The following IMMP1L variants were observed in gnomAD, a reference collection of about 807,000 sequenced individuals.
IMMP1L encodes inner mitochondrial membrane peptidase subunit 1, also known as mitochondrial inner membrane protease subunit 1.
In IMMP1L, 24 loss-of-function variants were observed where a neutral mutation model predicts 21.8. That is an observed-to-expected ratio of 1.10 (90% CI 0.80 to 1.55). The LOEUF (loss-of-function observed/expected upper bound fraction) is 1.55. IMMP1L is among the 40% of genes most tolerant of loss of function. The pLI is 0.00. For missense variants in IMMP1L, 195 were observed against 200.7 expected, an observed-to-expected ratio of 0.97 and a Z score of 0.17; for synonymous variants, 46 against 62.8, an observed-to-expected ratio of 0.73 and a Z score of 1.26.
chr11:31,448,223 T>C lies in IMMP1L; in HGVS notation c.321+8037A>G, dbSNP rs971486128. ...ACTCAGGAGGCTGAGGCAGGAGAATTGCTTGAACCTCGAAGGCAGAGGTTG... is the reference window on the plus strand; with the variant it reads ...ACTCAGGAGGCTGAGGCAGGAGAATCGCTTGAACCTCGAAGGCAGAGGTTG... On this transcript the variant is annotated intron_variant, in intron 4 of 5. Transcript: ENST00000532287. 5.9e-5 allele frequency among the ~76,000 whole-genome samples: 9 copies of C among 152,134 alleles called. No homozygotes were observed. The East Asian group carries it at 1.2e-3, about 20-fold the overall frequency.
At chr11:31,482,176 G>C (rs1305295472) in intron 1 of IMMP1L, among the ~76,000 whole-genome samples, 1 of 151,986 alleles carries the variant, frequency 6.6e-6, no homozygotes, top group Non-Finnish European at 1.5e-5. Flanking sequence ...TCTGTCTCCA[G>C]ATACAAACTG....
chr11:31,456,394 G>C lies in IMMP1L; in HGVS notation c.195-8C>G. 6.2e-7 allele frequency: 1 copy of C among 1,604,620 alleles called. No homozygotes were observed. Among genetic ancestry groups the C allele is most frequent in the Non-Finnish European group, 8.5e-7 (1 of 1,174,110 alleles). On this transcript the variant is annotated splice_region_variant and splice_polypyrimidine_tract_variant and intron_variant, in intron 3 of 5. Coordinates refer to ENST00000532287, the MANE Select transcript of IMMP1L (RefSeq NM_001304274.2). ...GCAATCACAATGTCACCTCTGAGGGGGAAAAGTCAAAGAAATGTCTGTATT... is the reference window on the plus strand; with the variant it reads ...GCAATCACAATGTCACCTCTGAGGGCGAAAAGTCAAAGAAATGTCTGTATT...
intron 5 of IMMP1L, among the ~76,000 whole-genome samples, chr11:31,432,987 T>C (rs527645853): frequency 6.6e-6 from 1 of 152,312 alleles, no homozygotes; most frequent in South Asian, 2.1e-4. Context: ...CATGAATGTT[T>C]TTCTCCTCAC....
chr11:31,501,237 A>T (rs995768717), intron 1 of IMMP1L, among the ~76,000 whole-genome samples: 2 of 152,190 alleles, frequency 1.3e-5, no homozygotes, highest in African/African-American at 4.8e-5. Context: ...CACTGAAAAA[A>T]CATACCTAAG....
chr11:31,437,269 A>G (rs1953156492), intron 4 of IMMP1L: 1 of 342,664 alleles, frequency 2.9e-6, no homozygotes, highest in Admixed American at 3.4e-5. Flanking sequence ...TTTATGTTTC[A>G]TATACACCTC....
At chr11:31,498,232 T>A (rs1270140724) in intron 1 of IMMP1L, among the ~76,000 whole-genome samples, 1 of 152,230 alleles carries the variant, frequency 6.6e-6, no homozygotes, top group Admixed American at 6.5e-5. Flanking sequence ...ATGTTATTCT[T>A]TGAACCTTTC....
At chr11:31,503,264 T>C (rs1163312094) in intron 1 of IMMP1L, among the ~76,000 whole-genome samples, 1 of 152,204 alleles carries the variant, frequency 6.6e-6, no homozygotes, top group African/African-American at 2.4e-5. Context: ...TAGGAGCAGC[T>C]AGTGCACGCT....
At chr11:31,488,332 TTGTAA>T (rs1955149991) in intron 1 of IMMP1L, 1 of 152,150 alleles carries the variant, frequency 6.6e-6, no homozygotes, top group Non-Finnish European at 1.5e-5. Flanking sequence ...TGAATGACAG[TTGTAA>T]CGGTGCGTCT....
At chr11:31,469,751 T>A (rs1186065970) in intron 1 of IMMP1L, 1 of 152,128 alleles carries the variant, frequency 6.6e-6, no homozygotes, top group Non-Finnish European at 1.5e-5. Context: ...ATGAACAGGA[T>A]ACACACAAAA....
At chr11:31,497,729 C>T (rs547858672) in intron 1 of IMMP1L, among the ~76,000 whole-genome samples, 3 of 152,082 alleles carry the variant, frequency 2.0e-5, no homozygotes, top group East Asian at 1.9e-4. Flanking sequence ...GGATTACAGG[C>T]GTGAGCCACT....
chr11:31,495,856 T>C lies in IMMP1L; in HGVS notation c.-30+13663A>G, dbSNP rs537161765. 2.0e-5 allele frequency among the ~76,000 whole-genome samples: 3 copies of C among 152,250 alleles called. No individual in the cohort carries two copies. In the East Asian group the frequency reaches 5.8e-4, roughly 29 times the overall value. ...AGTTGGACTTTTGTCTTACACCATA[T>C]AAAATTAACTCAAAATAGATCAAAA... On this transcript the variant is annotated intron_variant, in intron 1 of 5. Coordinates refer to ENST00000532287, the MANE Select transcript of IMMP1L (RefSeq NM_001304274.2).
rs566617767 is a variant in IMMP1L at position 31,450,156 on chromosome 11, A to G, written c.321+6104T>C. ...TACCCATCGTTAAGCCAATAAACCA[A>G]TAAAAGGACCAAAAGAACAAATTAT... is the stretch of plus-strand genomic sequence containing the variant. On this transcript the variant is annotated intron_variant, in intron 4 of 5. Transcript: ENST00000532287. 1.6e-4 allele frequency among the ~76,000 whole-genome samples: 25 copies of G among 152,340 alleles called. No individual in the cohort carries two copies. The South Asian group carries it at 4.8e-3, about 29-fold the overall frequency.
chr11:31,497,070 G>A (rs1955467035), intron 1 of IMMP1L, among the ~76,000 whole-genome samples: 1 of 150,508 alleles, frequency 6.6e-6, no homozygotes, highest in Admixed American at 6.6e-5. Context: ...ACACACAGAT[G>A]GTCCCTGACT....
At chr11:31,470,168 C>G (rs915172731) in intron 1 of IMMP1L, among the ~76,000 whole-genome samples, 5 of 152,182 alleles carry the variant, frequency 3.3e-5, no homozygotes, top group African/African-American at 9.7e-5. Context: ...TAATCCAACA[C>G]TTTGGGAGGC....
intron 2 of IMMP1L, among the ~76,000 whole-genome samples, 195 bp downstream of exon 2, chr11:31,462,977 C>T (rs1954202130): frequency 6.6e-6 from 1 of 152,048 alleles, no homozygotes; most frequent in East Asian, 1.9e-4. Context: ...AAGTAATGGT[C>T]CTTATACCTT....
intron 4 of IMMP1L, among the ~76,000 whole-genome samples, chr11:31,450,818 C>T (rs759658069): frequency 3.3e-5 from 5 of 152,026 alleles, no homozygotes; most frequent in African/African-American, 9.7e-5. Context: ...GAAACTAGCA[C>T]CCTATTCATA....
chr11:31,506,892 G>A (rs1412310358), intron 1 of IMMP1L, among the ~76,000 whole-genome samples: 8 of 151,126 alleles, frequency 5.3e-5, no homozygotes, highest in South Asian at 4.2e-4. Flanking sequence ...CCCAGGAGGC[G>A]GAGGTTGCAG....
rs538235035 is a variant in IMMP1L, at chr11:31,463,692, A to G, written c.-29-387T>C. ...ATTACTTCTTGCCATGTAATAGGAA[A>G]TAATGGAGAAATCACTAGAATAGGA... On this transcript the variant is annotated intron_variant, in intron 1 of 5. Coordinates refer to ENST00000532287, the MANE Select transcript of IMMP1L (RefSeq NM_001304274.2). Among the ~76,000 whole-genome samples, 6 of 152,286 alleles carry G rather than the reference A, an allele frequency of 3.9e-5. 1 individual carries two copies. The highest frequency in any genetic ancestry group is 3.9e-4 in the Admixed American group (6 of 15,280).
At chr11:31,479,590 A>G (rs1331851969) in intron 1 of IMMP1L, among the ~76,000 whole-genome samples, 1 of 152,090 alleles carries the variant, frequency 6.6e-6, no homozygotes, top group Non-Finnish European at 1.5e-5. Flanking sequence ...GGCCACTTAA[A>G]AGATGACTAG....
Sources: gnomAD v4.1 joint callset for allele counts (sites outside exome capture counted in the v4.1 genomes callset) on GRCh38, gnomAD v4.1.1 for gene constraint, MANE v1.5 for transcripts, NCBI Gene and HGNC (gene_info 2026-07-23, HGNC 2026-07-21) for gene names.